ITPR2: variants seen among roughly 807,000 people sequenced by gnomAD.
ITPR2 encodes the protein inositol 1,4,5-trisphosphate-gated calcium channel ITPR2.
In ITPR2, 207 loss-of-function variants were observed where a neutral mutation model predicts 317.1. The observed-to-expected ratio is 0.65, with a 90% CI of 0.58 to 0.73. The LOEUF (loss-of-function observed/expected upper bound fraction) is 0.73. Among genes scored for constraint, ITPR2 ranks in the 30% least tolerant of loss-of-function variants. ITPR2 has a pLI of 0.00. For synonymous variants in ITPR2, 1,156 were observed against 1,149.1 expected, an observed-to-expected ratio of 1.01 and a Z score of -0.12; for missense variants, 2,613 against 3,284.0, an observed-to-expected ratio of 0.80 and a Z score of 4.99.
intron 9 of ITPR2, among the ~76,000 whole-genome samples, chr12:26,705,208 C>T (rs1032852411): frequency 3.3e-5 from 5 of 152,204 alleles, no homozygotes; most frequent in Admixed American, 1.3e-4. Context: ...TCTGCACCCA[C>T]TTCTGCTTCC....
At chr12:26,516,828 T>C (rs987629005) in intron 37 of ITPR2, among the ~76,000 whole-genome samples, 1 of 150,998 alleles carries the variant, frequency 6.6e-6, no homozygotes, top group Admixed American at 6.6e-5. Flanking sequence ...AGGATAGATA[T>C]GAGAAAAAAA....
intron 37 of ITPR2, among the ~76,000 whole-genome samples, chr12:26,532,469 C>T (rs1438962079): frequency 1.3e-5 from 2 of 152,192 alleles, no homozygotes; most frequent in African/African-American, 4.8e-5. Context: ...CATCCTCAAT[C>T]TCCCAGGCTC....
intron 8 of ITPR2, among the ~76,000 whole-genome samples, chr12:26,712,576 C>T (rs1948665710): frequency 6.6e-6 from 1 of 151,832 alleles, no homozygotes; most frequent in South Asian, 2.1e-4. Flanking sequence ...ACTCTTAAAC[C>T]TTTGAGGGAG....
chr12:26,677,386 G>A (rs1285074247), intron 13 of ITPR2, among the ~76,000 whole-genome samples: 4 of 152,130 alleles, frequency 2.6e-5, no homozygotes, highest in East Asian at 1.9e-4. Context: ...GATTGCTTAA[G>A]CTCAGGAGTT....
intron 3 of ITPR2, among the ~76,000 whole-genome samples, chr12:26,725,249 G>C (rs536562936): frequency 1.1e-4 from 16 of 152,248 alleles, no homozygotes; most frequent in African/African-American, 3.9e-4. Context: ...GCAAAATTAA[G>C]TTCTATCGAA....
At chr12:26,653,551 C>T (rs1162832202) in intron 21 of ITPR2, among the ~76,000 whole-genome samples, 2 of 152,064 alleles carry the variant, frequency 1.3e-5, no homozygotes, top group East Asian at 1.9e-4. Context: ...TCCTTGCATC[C>T]GTCTAAGCTC....
At chr12:26,608,510 A>G (rs112266494) in intron 26 of ITPR2, among the ~76,000 whole-genome samples, 14 of 114,070 alleles carry the variant, frequency 1.2e-4, no homozygotes, top group South Asian at 3.1e-4. Flanking sequence ...GAAGTGAGGA[A>G]CCCCTCTGCT....
intron 2 of ITPR2, among the ~76,000 whole-genome samples, chr12:26,782,379 C>A (rs1381692059): frequency 2.0e-5 from 3 of 148,770 alleles, no homozygotes; most frequent in Non-Finnish European, 3.0e-5. Context: ...TTGTACCTGG[C>A]AACAGTTAAA....
chr12:26,384,192 C>T (rs377374537), intron 55 of ITPR2, among the ~76,000 whole-genome samples: 4 of 152,334 alleles, frequency 2.6e-5, no homozygotes, highest in East Asian at 3.9e-4. Context: ...CAACTTTCCA[C>T]GTGCTACAAA....
chr12:26,442,563 T>C (rs1179650198), intron 46 of ITPR2, among the ~76,000 whole-genome samples: 1 of 152,196 alleles, frequency 6.6e-6, no homozygotes, highest in African/African-American at 2.4e-5. Flanking sequence ...CTTTGACTTC[T>C]GGGATCTTCC....
chr12:26,779,630 GT>G (rs1950042003), intron 2 of ITPR2, among the ~76,000 whole-genome samples: 1 of 152,200 alleles, frequency 6.6e-6, no homozygotes, highest in Admixed American at 6.5e-5. Flanking sequence ...TTCGCAGATA[GT>G]TATGCCCAAT....
At chr12:26,527,448 A>G (rs915477329) in intron 37 of ITPR2, among the ~76,000 whole-genome samples, 1 of 152,236 alleles carries the variant, frequency 6.6e-6, no homozygotes, top group African/African-American at 2.4e-5. Context: ...GTATAGCTGA[A>G]TATTTGGCAT....
intron 2 of ITPR2, among the ~76,000 whole-genome samples, chr12:26,757,058 T>C (rs1199073020): frequency 6.6e-6 from 1 of 152,194 alleles, no homozygotes; most frequent in East Asian, 1.9e-4. Context: ...ACAAATGCCA[T>C]GGCAATGTCA....
At chr12:26,434,282 T>C (rs1375530836) in intron 48 of ITPR2, among the ~76,000 whole-genome samples, 2 of 152,150 alleles carry the variant, frequency 1.3e-5, no homozygotes, top group Admixed American at 6.6e-5. Flanking sequence ...GAATACAGAT[T>C]TGTCAGGAAG....
intron 9 of ITPR2, among the ~76,000 whole-genome samples, chr12:26,701,319 C>T (rs1426780334): frequency 3.9e-5 from 6 of 152,054 alleles, no homozygotes; most frequent in African/African-American, 1.4e-4. Context: ...CTTTTTTTTA[C>T]AATGAAATGT....
intron 52 of ITPR2, among the ~76,000 whole-genome samples, chr12:26,405,476 A>G (rs1378901264): frequency 2.6e-5 from 4 of 152,194 alleles, no homozygotes; most frequent in African/African-American, 9.7e-5. Flanking sequence ...TTCTTAATTT[A>G]TAATGCAAAT....
intron 37 of ITPR2, among the ~76,000 whole-genome samples, chr12:26,499,332 C>G (rs1943020788): frequency 6.6e-6 from 1 of 152,160 alleles, no homozygotes; most frequent in African/African-American, 2.4e-5. Context: ...ATTTCCTCAC[C>G]ATGTAATATT....
At chr12:26,360,980 G>A (rs990050096) in intron 55 of ITPR2, among the ~76,000 whole-genome samples, 6 of 152,040 alleles carry the variant, frequency 3.9e-5, no homozygotes, top group Non-Finnish European at 5.9e-5. Flanking sequence ...TTGGGACGCC[G>A]AGGGCAGTGG....
intron 28 of ITPR2, among the ~76,000 whole-genome samples, chr12:26,600,695 CTCT>C (rs1196885661): frequency 6.7e-6 from 1 of 149,096 alleles, no homozygotes; most frequent in Non-Finnish European, 1.5e-5. Flanking sequence ...TCCATCTCCT[CTCT>C]TCTTTTCCTC....
Sources: allele counts gnomAD v4.1 joint callset (sites outside exome capture counted in the v4.1 genomes callset), GRCh38; gene constraint gnomAD v4.1.1; transcripts MANE v1.5; gene names NCBI Gene and HGNC (gene_info 2026-07-23, HGNC 2026-07-21).